Variants in RPS6KA2 observed in about 807,000 individuals in gnomAD.
RPS6KA2 encodes ribosomal protein S6 kinase A2, also known as ribosomal protein S6 kinase alpha-2.
Under a neutral mutation model 91.8 loss-of-function variants are expected in RPS6KA2, and 42 were observed. That is an observed-to-expected ratio of 0.46 (90% CI 0.36 to 0.59). The LOEUF is 0.59. RPS6KA2 is among the 20% of genes least tolerant of loss of function. The probability of loss-of-function intolerance (pLI) is 0.00; values close to 1 mark genes in which losing one functional copy is unlikely to be tolerated. For missense variants in RPS6KA2, 798 were observed against 978.5 expected (o/e 0.82, Z 2.46); for synonymous variants, 414 against 393.6 (o/e 1.05, Z -0.61).
chr6:166,537,131 G>T (rs1482663631), intron 2 of RPS6KA2, among the ~76,000 whole-genome samples: 1 of 152,246 alleles, frequency 6.6e-6, no homozygotes, highest in East Asian at 1.9e-4. Flanking sequence ...TCCGCCATGG[G>T]ATGTATTCCA....
intron 1 of RPS6KA2, among the ~76,000 whole-genome samples, chr6:166,860,947 A>C (rs182439059): frequency 3.3e-5 from 5 of 152,302 alleles, no homozygotes; most frequent in Admixed American, 1.3e-4. Context: ...CCCTGGTGTC[A>C]TCCTTCTCCC....
Position 166,418,385 on chromosome 6 carries a change from CA to C in RPS6KA2, c.1821-44del. On this transcript the variant is annotated intron_variant, in intron 18 of 20. Coordinates refer to ENST00000265678, the MANE Select transcript of RPS6KA2 (RefSeq NM_021135.6). This position sits in a 1 kb window ranked among gnomAD's most constrained non-coding sequence, Gnocchi z 4.9. Reference sequence around the variant, plus strand: ...TTTGTGGTAATGAGCTTGTATTTTACAACCTAAAATAAAGTTTGCAAGTTGA... The same window carrying C: ...TTTGTGGTAATGAGCTTGTATTTTACACCTAAAATAAAGTTTGCAAGTTGA... 6.8e-7 allele frequency: 1 copy of C among 1,460,404 alleles called. No individual in the cohort carries two copies. Among genetic ancestry groups the C allele is most frequent in the Non-Finnish European group, 9.6e-7 (1 of 1,043,034 alleles). 90.5% of individuals were successfully genotyped at this position (1,460,404 alleles called of 1,614,324 possible). A position where few individuals can be genotyped will look rare whatever the true frequency, so the allele number is the denominator to read the frequency against.
intron 2 of RPS6KA2, among the ~76,000 whole-genome samples, chr6:166,675,978 T>C (rs758646192): frequency 1.3e-5 from 2 of 152,134 alleles, no homozygotes; most frequent in Non-Finnish European, 2.9e-5. Context: ...GAAAGTTGAG[T>C]GTAAACAGGC....
At chr6:166,628,941 C>G (rs1786993650), upstream of RPS6KA2, among the ~76,000 whole-genome samples, 1 of 152,180 alleles carries the variant, frequency 6.6e-6, no homozygotes, top group African/African-American at 2.4e-5. Context: ...CTTTTTGCTC[C>G]TTTTCAAGAT....
At chr6:166,748,588 CCATT>C (rs1185079992) in intron 2 of RPS6KA2, among the ~76,000 whole-genome samples, 1 of 106,328 alleles carries the variant, frequency 9.4e-6, no homozygotes, top group East Asian at 2.8e-4. Context: ...CCTCGGGCCC[CCATT>C]TCCTCAGGCC....
At chr6:166,413,763 C>A in intron 20 of RPS6KA2, 31 bp downstream of exon 20, 1 of 1,610,044 alleles carries the variant, frequency 6.2e-7, no homozygotes, top group Non-Finnish European at 8.5e-7. Flanking sequence ...CCCATTCCCA[C>A]CACTCTGTCC....
At chr6:166,524,547 T>C (rs1782960851) in intron 3 of RPS6KA2, among the ~76,000 whole-genome samples, 1 of 152,160 alleles carries the variant, frequency 6.6e-6, no homozygotes, top group South Asian at 2.1e-4. Context: ...TCTAACCAGG[T>C]GGCATCTAAC....
At chr6:166,534,239 A>G (rs1783404544) in intron 2 of RPS6KA2, among the ~76,000 whole-genome samples, 1 of 151,160 alleles carries the variant, frequency 6.6e-6, no homozygotes, top group Non-Finnish European at 1.5e-5. Flanking sequence ...AAAAAAAAAA[A>G]AAAAAAAGAA....
At position 166,419,989 on chromosome 6, in the gene RPS6KA2, C is replaced by A; in HGVS notation, c.1744-31G>T. The A allele has an allele frequency of 6.3e-7, 1 of 1,597,088 alleles. No individual in the cohort carries two copies. The highest frequency in any genetic ancestry group is 1.1e-5 in the South Asian group (1 of 90,684). ...AGGGAACGACAGGACACCGGCACGC[C>A]CTTCACTAAGGACATTCAGATTGAC... On this transcript the variant is annotated intron_variant, in intron 17 of 20. Transcript: ENST00000265678. The surrounding 1 kb of genome is among the most constrained non-coding windows in gnomAD (Gnocchi z 5.6).
At chr6:166,804,438 T>A (rs754650392) in intron 2 of RPS6KA2, among the ~76,000 whole-genome samples, 2 of 152,128 alleles carry the variant, frequency 1.3e-5, no homozygotes, top group Non-Finnish European at 2.9e-5. Context: ...GCGGGGAAAT[T>A]AAAATTTATT....
chr6:166,814,846 T>C (rs867993411), intron 2 of RPS6KA2, among the ~76,000 whole-genome samples: 3 of 152,226 alleles, frequency 2.0e-5, no homozygotes, highest in African/African-American at 7.2e-5. Flanking sequence ...AGGGCTCACA[T>C]TGATTCTACG....
At chr6:166,582,791 T>G (rs558337856) in intron 1 of RPS6KA2, among the ~76,000 whole-genome samples, 155 of 152,364 alleles carry the variant, frequency 1.0e-3, no homozygotes, top group Non-Finnish European at 1.9e-3. Flanking sequence ...ATTGCTATTA[T>G]GCATCCAATG....
At chr6:166,441,442 C>T (rs1412665024) in intron 14 of RPS6KA2, among the ~76,000 whole-genome samples, 1 of 152,244 alleles carries the variant, frequency 6.6e-6, no homozygotes, top group Non-Finnish European at 1.5e-5. Context: ...TCTCTCTTCC[C>T]AGGTTTGGCC....
At chr6:166,468,096 A>C (rs1197728980) in intron 11 of RPS6KA2, among the ~76,000 whole-genome samples, 1 of 152,270 alleles carries the variant, frequency 6.6e-6, no homozygotes, top group Non-Finnish European at 1.5e-5. Context: ...CCTGAGATCT[A>C]AACGCCGTGT....
intron 1 of RPS6KA2, among the ~76,000 whole-genome samples, chr6:166,601,357 T>C (rs560051449): frequency 2.0e-4 from 30 of 152,324 alleles, no homozygotes; most frequent in Non-Finnish European, 3.5e-4. Flanking sequence ...CTTATTTAAT[T>C]TGAAAGTAAG....
At chr6:166,489,410 A>T (rs1781518304) in intron 9 of RPS6KA2, among the ~76,000 whole-genome samples, 1 of 152,126 alleles carries the variant, frequency 6.6e-6, no homozygotes, top group African/African-American at 2.4e-5. Context: ...TATGAAGAAA[A>T]CCTGCGAGAG....
rs191105069 is a variant in RPS6KA2, at chr6:166,720,887, G to A, written c.123+137313C>T. ...TCACAGGGAGCCTAGAACCTCCCAC[G>A]AAGCAGGGATGAGCTCCTGTGTTTA... is the stretch of plus-strand genomic sequence containing the variant. On this transcript the variant is annotated intron_variant, in intron 2 of 21. Transcript: ENST00000503859. Among the ~76,000 whole-genome samples, 56 of 152,314 alleles carry A rather than the reference G, an allele frequency of 3.7e-4. 3 individuals are homozygous for A. The East Asian group carries it at 9.3e-3, about 25-fold the overall frequency.
chr6:166,618,012 C>T (rs142390635), intron 1 of RPS6KA2, among the ~76,000 whole-genome samples: 308 of 152,344 alleles, frequency 2.0e-3, no homozygotes, highest in Non-Finnish European at 3.5e-3. Flanking sequence ...TGCTCTGTCC[C>T]GGATGGCTGA....
chr6:166,562,064 C>CA (rs904484193), intron 1 of RPS6KA2, among the ~76,000 whole-genome samples: 1 of 152,142 alleles, frequency 6.6e-6, no homozygotes, highest in African/African-American at 2.4e-5. Flanking sequence ...GGGAGGAACA[C>CA]AGTCACCCGA....
Sources: gnomAD v4.1 joint callset for allele counts (sites outside exome capture counted in the v4.1 genomes callset) on GRCh38, gnomAD v4.1.1 for gene constraint, Gnocchi (gnomAD v3.1) non-coding constraint, MANE v1.5 for transcripts, NCBI Gene and HGNC (gene_info 2026-07-23, HGNC 2026-07-21) for gene names.